Variants in AGO4 observed in about 807,000 individuals in gnomAD.
AGO4 encodes the protein argonaute RISC component 4.
In AGO4, 33 loss-of-function variants were observed where a neutral mutation model predicts 104.7. That is an observed-to-expected ratio of 0.32 (90% CI 0.24 to 0.42). The LOEUF (loss-of-function observed/expected upper bound fraction) is 0.42. AGO4 is among the 10% of genes least tolerant of loss of function. AGO4 has a pLI of 1.00. For synonymous variants in AGO4, 331 were observed against 364.7 expected, an observed-to-expected ratio of 0.91 and a Z score of 1.05; for missense variants, 711 against 1,083.4, an observed-to-expected ratio of 0.66 and a Z score of 4.83.
intron 7 of AGO4, 109 bp downstream of exon 7, chr1:35,826,944 G>T (rs1644036142): frequency 8.9e-7 from 1 of 1,129,020 alleles, no homozygotes. Flanking sequence ...GCTCACACCT[G>T]TAATCCCAGC....
At chr1:35,853,000 CAGCACTTTGGGAG>C (rs1397607413) in intron 17 of AGO4, among the ~76,000 whole-genome samples, 1 of 152,142 alleles carries the variant, frequency 6.6e-6, no homozygotes, top group African/African-American at 2.4e-5. Flanking sequence ...CCTGTAATCC[CAGCACTTTGGGAG>C]GCCGAGGCAG....
chr1:35,853,396 G>A (rs1644752460), intron 17 of AGO4, 101 bp from the exon 18 acceptor site: 2 of 851,348 alleles, frequency 2.3e-6, no homozygotes, highest in East Asian at 5.3e-5. Context: ...AGTTTGAAGT[G>A]GTCTTCTGTT....
rs533797708 is a variant in AGO4, at chr1:35,857,502, T to C, written c.*3897T>C. 1.3e-5 allele frequency: 2 copies of C among 152,368 alleles called. No individual in the cohort carries two copies. The highest frequency in any genetic ancestry group is 2.1e-4 in the South Asian group (1 of 4,830). The allele number at this position is 152,368 out of a possible 1,614,324, so 9.4% of individuals were successfully genotyped here. ...TTTTATTAAATTTGGACTGGATGTATGTCTCTAGCAATACGAGGTACTTTC... is the reference window on the plus strand; with the variant it reads ...TTTTATTAAATTTGGACTGGATGTACGTCTCTAGCAATACGAGGTACTTTC... On this transcript the variant is annotated 3_prime_UTR_variant, in exon 18 of 18. Coordinates refer to ENST00000373210, the MANE Select transcript of AGO4 (RefSeq NM_017629.4).
chr1:35,847,949 T>C (rs1644612618), intron 15 of AGO4, among the ~76,000 whole-genome samples: 1 of 150,286 alleles, frequency 6.7e-6, no homozygotes, highest in Non-Finnish European at 1.5e-5. Flanking sequence ...AGGGTATAAT[T>C]AGAATATCCA....
At chr1:35,848,365 C>T (rs535469781) in intron 15 of AGO4, among the ~76,000 whole-genome samples, 3 of 152,206 alleles carry the variant, frequency 2.0e-5, no homozygotes, top group African/African-American at 2.4e-5. Context: ...ACTTATAAGG[C>T]ATGGCTCACC....
chr1:35,811,826 C>T (rs1643518206), intron 1 of AGO4, among the ~76,000 whole-genome samples: 2 of 152,034 alleles, frequency 1.3e-5, no homozygotes. Context: ...TCTTGAACTC[C>T]TGACCTTGTG....
At chr1:35,850,780 C>CAAAA (rs796652586) in intron 16 of AGO4, 74 bp from the exon 17 acceptor site, 639 of 541,232 alleles carry the variant, frequency 1.2e-3, no homozygotes, top group East Asian at 5.8e-3. Context: ...GACTCCATCT[C>CAAAA]AAAAAAAAAA....
At position 35,808,329 on chromosome 1, in the gene AGO4, C is replaced by G; in HGVS notation, c.-88C>G. The G allele has an allele frequency of 1.2e-6, 1 of 838,668 alleles. No homozygotes were observed. The highest frequency in any genetic ancestry group is 1.4e-6 in the Non-Finnish European group (1 of 693,014). 52.0% of individuals were successfully genotyped at this position (838,668 alleles called of 1,614,324 possible). On this transcript the variant is annotated 5_prime_UTR_variant, in exon 1 of 18. The change creates a new upstream start codon in the 5' untranslated region. Transcript: ENST00000373210. The surrounding 1 kb of genome is among the most constrained non-coding windows in gnomAD (Gnocchi z 5.2). ...ACCCCAGCGCCAATATTCCGGAGAT[C>G]AAGCGTTACGCGGCGGCGGCGGCGG...
At chr1:35,831,604 T>C (rs752534054) in intron 8 of AGO4, 30 bp downstream of exon 8, 3 of 1,606,274 alleles carry the variant, frequency 1.9e-6, no homozygotes, top group East Asian at 2.2e-5. Flanking sequence ...GCCAATTTGC[T>C]GATCTCTTGA....
intron 1 of AGO4, among the ~76,000 whole-genome samples, chr1:35,812,001 A>G (rs1643524297): frequency 6.6e-6 from 1 of 152,188 alleles, no homozygotes; most frequent in Non-Finnish European, 1.5e-5. Context: ...AGAGAGGCCA[A>G]GAAACTGGCC....
At chr1:35,822,187 T>G (rs546608689) in intron 2 of AGO4, among the ~76,000 whole-genome samples, 1 of 151,322 alleles carries the variant, frequency 6.6e-6, no homozygotes, top group Admixed American at 6.6e-5. Context: ...GCCAGGATAT[T>G]GATTTGATGA....
chr1:35,836,211 C>T (rs541900102), intron 13 of AGO4, among the ~76,000 whole-genome samples: 131 of 152,270 alleles, frequency 8.6e-4, no homozygotes, highest in Middle Eastern at 3.4e-3. Context: ...AGGTGACCAC[C>T]ATTCTGATGT....
chr1:35,834,896 G>A (rs541379425), intron 12 of AGO4, among the ~76,000 whole-genome samples: 27 of 151,836 alleles, frequency 1.8e-4, no homozygotes, highest in Middle Eastern at 6.8e-3. Context: ...GGGTTTTGCC[G>A]TGTTGCCCAG....
At chr1:35,840,591 G>A (rs931399871) in intron 13 of AGO4, among the ~76,000 whole-genome samples, 3 of 151,734 alleles carry the variant, frequency 2.0e-5, no homozygotes, top group Admixed American at 6.6e-5. Flanking sequence ...GAGCCACCAC[G>A]CCCGGCCTCT....
chr1:35,835,309 G>T (rs1056151951), intron 12 of AGO4, among the ~76,000 whole-genome samples: 2 of 152,106 alleles, frequency 1.3e-5, no homozygotes, highest in Admixed American at 1.3e-4. Flanking sequence ...CACCCGCCTT[G>T]GCCTCCCAAA....
intron 15 of AGO4, among the ~76,000 whole-genome samples, chr1:35,844,333 C>A (rs1386770056): frequency 1.3e-5 from 2 of 152,126 alleles, no homozygotes; most frequent in Middle Eastern, 3.2e-3. Flanking sequence ...CGTGAGCCAC[C>A]ACACCTGTCC....
chr1:35,808,335 T>C lies in AGO4; in HGVS notation c.-82T>C. 1 of 870,062 alleles carries C rather than the reference T, an allele frequency of 1.1e-6. No homozygotes were observed. Among genetic ancestry groups the C allele is most frequent in the Non-Finnish European group, 1.4e-6 (1 of 722,500 alleles). The allele number at this position is 870,062 out of a possible 1,614,324, so 53.9% of individuals were successfully genotyped here. ...GCGCCAATATTCCGGAGATCAAGCGTTACGCGGCGGCGGCGGCGGCGGCGG... is the reference window on the plus strand; with the variant it reads ...GCGCCAATATTCCGGAGATCAAGCGCTACGCGGCGGCGGCGGCGGCGGCGG... On this transcript the variant is annotated 5_prime_UTR_variant, in exon 1 of 18. Transcript: ENST00000373210. The surrounding 1 kb of genome is among the most constrained non-coding windows in gnomAD (Gnocchi z 5.2).
intron 2 of AGO4, among the ~76,000 whole-genome samples, chr1:35,819,256 A>G (rs1416889536): frequency 2.0e-5 from 3 of 152,122 alleles, no homozygotes; most frequent in Admixed American, 6.6e-5. Context: ...GTAGCAGATC[A>G]GGAGACCTGT....
intron 15 of AGO4, among the ~76,000 whole-genome samples, chr1:35,847,124 A>C (rs1228935679): frequency 6.6e-6 from 1 of 151,946 alleles, no homozygotes; most frequent in African/African-American, 2.4e-5. Flanking sequence ...CATTGGAAGA[A>C]GAATTTTCTT....
Sources: gnomAD v4.1 joint callset for allele counts (sites outside exome capture counted in the v4.1 genomes callset) on GRCh38, gnomAD v4.1.1 for gene constraint, Gnocchi (gnomAD v3.1) non-coding constraint, MANE v1.5 for transcripts, NCBI Gene and HGNC (gene_info 2026-07-23, HGNC 2026-07-21) for gene names.